Variants in SLC24A3 observed in about 807,000 individuals in gnomAD.
SLC24A3 encodes the protein sodium/potassium/calcium exchanger 3.
Under a neutral mutation model 75.8 loss-of-function variants are expected in SLC24A3, and 28 were observed. That is an observed-to-expected ratio of 0.37 (90% CI 0.27 to 0.51). The LOEUF is 0.51. Among genes scored for constraint, SLC24A3 ranks in the 20% least tolerant of loss-of-function variants. The pLI, the probability that SLC24A3 is intolerant of heterozygous loss-of-function variation, is 0.94. For synonymous variants in SLC24A3, 372 were observed against 334.1 expected (o/e 1.11, Z -1.24); for missense variants, 663 against 847.8 (o/e 0.78, Z 2.71).
At position 19,620,843 on chromosome 20, in the gene SLC24A3, G is replaced by A. The variant is rs542934542; in HGVS notation, c.613-33219G>A. 2.6e-5 allele frequency among the ~76,000 whole-genome samples: 4 copies of A among 152,170 alleles called. No individual in the cohort carries two copies. In the East Asian group the frequency reaches 5.8e-4, roughly 22 times the overall value. On this transcript the variant is annotated intron_variant, in intron 6 of 16. Transcript: ENST00000328041. ...AAAGACAGAGAGGGAGAGAATGATG[G>A]GGTTCACCAGCTCTCATTGCATTTA...
chr20:19,307,405 A>G (rs1472410259), intron 2 of SLC24A3, among the ~76,000 whole-genome samples: 1 of 152,240 alleles, frequency 6.6e-6, no homozygotes, highest in African/African-American at 2.4e-5. Context: ...GTGATCTTTT[A>G]AAATCTGTCT....
At chr20:19,644,889 G>GA (rs112522323) in intron 6 of SLC24A3, among the ~76,000 whole-genome samples, 9,840 of 150,730 alleles carry the variant, frequency 0.065, 359 homozygotes, top group Middle Eastern at 0.14. Context: ...GCATAAATGA[G>GA]AAAAAAAAAT....
At chr20:19,291,022 G>T (rs1480634643) in intron 2 of SLC24A3, among the ~76,000 whole-genome samples, 1 of 152,214 alleles carries the variant, frequency 6.6e-6, no homozygotes, top group Non-Finnish European at 1.5e-5. Context: ...AGTCAACAGG[G>T]AATGTTCCTG....
At chr20:19,270,111 C>T (rs530431539) in intron 1 of SLC24A3, among the ~76,000 whole-genome samples, 1 of 152,324 alleles carries the variant, frequency 6.6e-6, no homozygotes, top group African/African-American at 2.4e-5. Flanking sequence ...CCTGAACTTG[C>T]ATTTTCCTTT....
chr20:19,254,255 G>T (rs1160381599), intron 1 of SLC24A3, among the ~76,000 whole-genome samples: 1 of 152,116 alleles, frequency 6.6e-6, no homozygotes, highest in Non-Finnish European at 1.5e-5. Context: ...TCATTTGTGA[G>T]GTCACCTCAC....
chr20:19,457,857 T>C (rs1357349054), intron 2 of SLC24A3, among the ~76,000 whole-genome samples: 1 of 152,208 alleles, frequency 6.6e-6, no homozygotes, highest in East Asian at 1.9e-4. Flanking sequence ...AGGAATTACC[T>C]TCAGCCTGTG....
At chr20:19,531,841 C>T (rs2030306503) in intron 3 of SLC24A3, among the ~76,000 whole-genome samples, 1 of 152,122 alleles carries the variant, frequency 6.6e-6, no homozygotes, top group African/African-American at 2.4e-5. Context: ...TCAGAGTGTC[C>T]CAACACGTGG....
At chr20:19,531,715 G>A (rs1304588980) in intron 3 of SLC24A3, among the ~76,000 whole-genome samples, 2 of 152,138 alleles carry the variant, frequency 1.3e-5, no homozygotes, top group African/African-American at 4.8e-5. Flanking sequence ...GACAGGGAGG[G>A]ATAAATAATA....
intron 16 of SLC24A3, 90 bp downstream of exon 16, chr20:19,717,683 G>T (rs1300197993): frequency 6.9e-7 from 1 of 1,448,474 alleles, no homozygotes; most frequent in Non-Finnish European, 9.7e-7. Flanking sequence ...TGGTCTCCTG[G>T]TGACTGGGTA....
At chr20:19,236,326 C>T (rs1982167099) in intron 1 of SLC24A3, among the ~76,000 whole-genome samples, 1 of 152,168 alleles carries the variant, frequency 6.6e-6, no homozygotes, top group South Asian at 2.1e-4. Flanking sequence ...GTTAATTCCA[C>T]AAGACAGCTC....
chr20:19,663,223 G>C (rs796082790), intron 7 of SLC24A3, among the ~76,000 whole-genome samples: 6 of 151,832 alleles, frequency 4.0e-5, no homozygotes, highest in African/African-American at 1.4e-4. Flanking sequence ...ATGAGCCACT[G>C]TGCCAAGCCA....
At chr20:19,454,214 A>G (rs117333800) in intron 2 of SLC24A3, among the ~76,000 whole-genome samples, 2,227 of 152,176 alleles carry the variant, frequency 0.015, 23 homozygotes, top group Non-Finnish European at 0.016. Context: ...CTGCCCATCT[A>G]AGGAGTCAAA....
Position 19,328,802 on chromosome 20 carries a change from G to A in SLC24A3, c.271+47715G>A, listed in dbSNP as rs530646823. ...GTCAAGGCTGGAGATACCAAGGGGGGACTGGGAGGAAGACAGAAGCTTATA... is the reference window on the plus strand; with the variant it reads ...GTCAAGGCTGGAGATACCAAGGGGGAACTGGGAGGAAGACAGAAGCTTATA... On this transcript the variant is annotated intron_variant, in intron 2 of 16. Transcript: ENST00000328041. Among the ~76,000 whole-genome samples, 16 of 152,352 alleles carry A rather than the reference G, an allele frequency of 1.1e-4. No individual in the cohort carries two copies. The South Asian group carries it at 3.1e-3, about 30-fold the overall frequency.
At chr20:19,432,310 T>A (rs1393499500) in intron 2 of SLC24A3, among the ~76,000 whole-genome samples, 1 of 148,480 alleles carries the variant, frequency 6.7e-6, no homozygotes, top group Non-Finnish European at 1.5e-5. Context: ...ATATATATAA[T>A]CTTAATAATC....
chr20:19,434,972 A>C (rs767487830), intron 2 of SLC24A3, among the ~76,000 whole-genome samples: 1 of 152,200 alleles, frequency 6.6e-6, no homozygotes, highest in Non-Finnish European at 1.5e-5. Flanking sequence ...AAAATTCAAA[A>C]AATTCAAAAA....
chr20:19,419,822 G>GT lies in SLC24A3; in HGVS notation c.272-95648dup, dbSNP rs571225238. Among the ~76,000 whole-genome samples the GT allele has an allele frequency of 4.7e-3, 646 of 136,642 alleles. 4 individuals are homozygous for GT. The highest frequency in any genetic ancestry group is 0.023 in the South Asian group (93 of 4,106). 89.6% of individuals were successfully genotyped at this position (136,642 alleles called of 152,430 possible). A position where few individuals can be genotyped will look rare whatever the true frequency, so the allele number is the denominator to read the frequency against. ...GTCTCGCCATGTCCTCGACAGCCAAGTTTTTTTTTTTTTTTTTTATTATAC... is the reference window on the plus strand; with the variant it reads ...GTCTCGCCATGTCCTCGACAGCCAAGTTTTTTTTTTTTTTTTTTTATTATAC... On this transcript the variant is annotated intron_variant, in intron 2 of 16. Transcript: ENST00000328041.
intron 2 of SLC24A3, among the ~76,000 whole-genome samples, chr20:19,316,618 C>T (rs930139396): frequency 4.6e-5 from 7 of 152,190 alleles, no homozygotes; most frequent in African/African-American, 9.6e-5. Flanking sequence ...GACACCAAGT[C>T]GTGCCGACTC....
intron 2 of SLC24A3, among the ~76,000 whole-genome samples, chr20:19,404,532 G>A (rs1399761745): frequency 3.9e-5 from 6 of 152,198 alleles, no homozygotes; most frequent in Admixed American, 2.6e-4. Flanking sequence ...TTTTACCCCA[G>A]TTTTTTGCCT....
intron 6 of SLC24A3, among the ~76,000 whole-genome samples, chr20:19,632,779 T>G (rs1425722599): frequency 6.6e-6 from 1 of 152,188 alleles, no homozygotes; most frequent in Non-Finnish European, 1.5e-5. Context: ...ACAACAGCTC[T>G]GGCATGCTGA....
Sources: gnomAD v4.1 joint callset for allele counts (sites outside exome capture counted in the v4.1 genomes callset) on GRCh38, gnomAD v4.1.1 for gene constraint, MANE v1.5 for transcripts, NCBI Gene and HGNC (gene_info 2026-07-23, HGNC 2026-07-21) for gene names.